The following MEGF11 variants were observed in gnomAD, a reference collection of about 807,000 sequenced individuals.
The protein encoded by MEGF11 is multiple EGF like domains 11, also known as multiple epidermal growth factor-like domains protein 11.
A neutral mutation model predicts 146.6 loss-of-function variants in MEGF11; 126 were observed. The ratio of observed to expected loss-of-function variants is 0.86; its 90% CI spans 0.74 to 1.00. The LOEUF (loss-of-function observed/expected upper bound fraction) is 1.00, where lower values mean the gene tolerates loss of function less well. Among genes scored for constraint, MEGF11 ranks in the 50% least tolerant of loss-of-function variants. MEGF11 has a pLI of 0.00. For missense variants in MEGF11, 1,509 were observed against 1,521.2 expected (o/e 0.99, Z 0.13); for synonymous variants, 532 against 583.4 (o/e 0.91, Z 1.27).
At chr15:66,107,664 A>G (rs2087159938) in intron 4 of MEGF11, among the ~76,000 whole-genome samples, 1 of 152,116 alleles carries the variant, frequency 6.6e-6, no homozygotes, top group Non-Finnish European at 1.5e-5. Context: ...GGAGGGGAGG[A>G]TAAAAGAGGA....
At chr15:66,044,699 AAT>A (rs372382798) in intron 5 of MEGF11, among the ~76,000 whole-genome samples, 148,230 of 151,592 alleles carry the variant, frequency 0.98, 72,558 homozygotes, top group Middle Eastern at 1. Context: ...TAATAATAAT[AAT>A]AAATAGCCAG....
intron 5 of MEGF11, among the ~76,000 whole-genome samples, chr15:66,081,259 CA>C (rs2085842753): frequency 6.6e-6 from 1 of 152,194 alleles, no homozygotes; most frequent in African/African-American, 2.4e-5. Context: ...CATCCTCCAT[CA>C]GGGGGCAGCA....
chr15:65,905,239 A>G (rs1457159286), intron 24 of MEGF11: 2 of 152,222 alleles, frequency 1.3e-5, no homozygotes, highest in Non-Finnish European at 2.9e-5. Context: ...TAGCCCCATT[A>G]CATTAGTACC....
At chr15:66,066,474 A>G (rs566427201) in intron 5 of MEGF11, among the ~76,000 whole-genome samples, 2 of 152,360 alleles carry the variant, frequency 1.3e-5, no homozygotes, top group South Asian at 4.1e-4. Flanking sequence ...TAAAAACAAC[A>G]AACATCAGCA....
In MEGF11 at chr15:65,952,006, A is replaced by G. The variant is rs143658262; in HGVS notation, c.1287+5541T>C. On this transcript the variant is annotated intron_variant, in intron 10 of 25. Transcript: ENST00000395614. The stretch of plus-strand genomic sequence containing the variant: ...AATAGAACGAGGCCCTATCTCTAAA[A>G]AAAATTTTTTTTAAAGATATTTTGA... Among the ~76,000 whole-genome samples, 376 of 152,328 alleles carry G rather than the reference A, an allele frequency of 2.5e-3. 2 individuals are homozygous for G. The highest frequency in any genetic ancestry group is 8.6e-3 in the African/African-American group (359 of 41,584).
At chr15:66,118,619 G>A (rs1265066632) in intron 4 of MEGF11, among the ~76,000 whole-genome samples, 1 of 152,094 alleles carries the variant, frequency 6.6e-6, no homozygotes, top group Non-Finnish European at 1.5e-5. Flanking sequence ...TCTTACTGTG[G>A]TTTTGACATC....
At chr15:66,093,387 C>A (rs2086402891) in intron 5 of MEGF11, among the ~76,000 whole-genome samples, 1 of 152,212 alleles carries the variant, frequency 6.6e-6, no homozygotes, top group Non-Finnish European at 1.5e-5. Flanking sequence ...ATGGACCCAA[C>A]ATTCTCCTAA....
intron 21 of MEGF11, chr15:65,910,099 T>TG (rs778428713): frequency 5.2e-5 from 29 of 561,176 alleles, no homozygotes; most frequent in Non-Finnish European, 8.1e-5. Flanking sequence ...GCAGATTAGC[T>TG]GGGGGGTGGG....
chr15:65,907,715 C>T (rs1375608780), intron 23 of MEGF11, among the ~76,000 whole-genome samples: 1 of 152,198 alleles, frequency 6.6e-6, no homozygotes, highest in Non-Finnish European at 1.5e-5. Flanking sequence ...CTTCCTTTGC[C>T]CTTCCTGAGG....
chr15:66,117,104 G>A (rs372783017), intron 4 of MEGF11, among the ~76,000 whole-genome samples: 36 of 152,288 alleles, frequency 2.4e-4, no homozygotes, highest in African/African-American at 6.0e-4. Flanking sequence ...ATGGATCAGC[G>A]TATGTAAAGT....
intron 5 of MEGF11, among the ~76,000 whole-genome samples, chr15:66,080,372 G>GCA (rs111906893): frequency 0.1 from 15,739 of 152,112 alleles, 873 homozygotes; most frequent in Middle Eastern, 0.17. Flanking sequence ...GGGGACCGCA[G>GCA]CACACACCTG....
At chr15:66,072,248 A>G (rs1597053301) in intron 5 of MEGF11, among the ~76,000 whole-genome samples, 1 of 152,146 alleles carries the variant, frequency 6.6e-6, no homozygotes. Context: ...TGAGTCAAAA[A>G]CAGACCAAGA....
chr15:66,247,768 G>C (rs992383074), intron 1 of MEGF11, among the ~76,000 whole-genome samples: 4 of 152,132 alleles, frequency 2.6e-5, no homozygotes, highest in Non-Finnish European at 5.9e-5. Context: ...CGGGCGCAGT[G>C]GCTCACACCT....
Position 65,922,450 on chromosome 15 carries a change from G to T in MEGF11, c.1845C>A (p.Gly615=). ...CQRICPPGFY[G]HGCAQPCPLC... is the part of the protein sequence containing the mutation. ...GGGGGCATGGCTGGGCGCAGCCGTG[G>T]CCATAGAACCCAGGGGGGCAGACTG... is the stretch of plus-strand genomic sequence containing the variant. Residue 615 remains glycine (G), a synonymous_variant, in exon 15 of 26, where the codon GGC becomes GGA. Transcript: ENST00000395614. The T allele has an allele frequency of 6.3e-7, 1 of 1,580,246 alleles. No individual in the cohort carries two copies. Among genetic ancestry groups the T allele is most frequent in the Non-Finnish European group, 8.6e-7 (1 of 1,163,484 alleles).
At chr15:65,995,986 C>A (rs2082184585) in intron 5 of MEGF11, among the ~76,000 whole-genome samples, 1 of 152,154 alleles carries the variant, frequency 6.6e-6, no homozygotes, top group Admixed American at 6.5e-5. Context: ...GGTAAGGGAC[C>A]TGCCTAAGGA....
chr15:66,115,455 C>T (rs1300375713), intron 4 of MEGF11, among the ~76,000 whole-genome samples: 1 of 152,246 alleles, frequency 6.6e-6, no homozygotes, highest in Non-Finnish European at 1.5e-5. Flanking sequence ...CAGTTGGTGC[C>T]CCCTCCCTTT....
chr15:66,049,458 A>T (rs2084362577), intron 5 of MEGF11, among the ~76,000 whole-genome samples: 1 of 152,264 alleles, frequency 6.6e-6, no homozygotes. Context: ...CACTGGGGGA[A>T]CTATTGACAT....
chr15:66,064,711 T>C (rs577324268), intron 5 of MEGF11, among the ~76,000 whole-genome samples: 43 of 147,562 alleles, frequency 2.9e-4, no homozygotes, highest in African/African-American at 1.0e-3. Context: ...TTTTTTTTAG[T>C]AGAGACTGGG....
intron 10 of MEGF11, among the ~76,000 whole-genome samples, chr15:65,948,709 C>A (rs1325513767): frequency 2.6e-5 from 4 of 152,208 alleles, no homozygotes; most frequent in Non-Finnish European, 4.4e-5. Context: ...AATAACACTA[C>A]AGCATAGTGC....
Sources: allele counts gnomAD v4.1 joint callset (sites outside exome capture counted in the v4.1 genomes callset), GRCh38; gene constraint gnomAD v4.1.1; transcripts MANE v1.5; gene names NCBI Gene and HGNC (gene_info 2026-07-23, HGNC 2026-07-21).